KRABD3: variants seen among roughly 807,000 people sequenced by gnomAD.
The protein encoded by KRABD3 is KRAB domain containing 3, also known as KRAB domain-containing protein 3.
the KRABD3 span, chr7:149,719,534 C>T: frequency 6.4e-7 from 1 of 1,560,000 alleles, no homozygotes; most frequent in East Asian, 2.4e-5. This position sits in a 1 kb window ranked among gnomAD's most constrained non-coding sequence, Gnocchi z 5.6. Context: ...CCCCCGGAGA[C>T]TGTGCCTGCA....
the KRABD3 span, chr7:149,723,862 C>G: frequency 6.2e-7 from 1 of 1,613,794 alleles, no homozygotes; most frequent in Non-Finnish European, 8.5e-7. Context: ...ACAGGAGAAT[C>G]CAGGAGCCTG....
the KRABD3 span, chr7:149,719,777 G>A: frequency 6.6e-6 from 9 of 1,371,782 alleles, no homozygotes; most frequent in South Asian, 1.2e-4. This position sits in a 1 kb window ranked among gnomAD's most constrained non-coding sequence, Gnocchi z 5.6. Context: ...CCTGAGAAAT[G>A]AACACGGGGA....
the KRABD3 span, among the ~76,000 whole-genome samples, chr7:149,716,715 A>G: frequency 5.3e-5 from 8 of 152,222 alleles, no homozygotes; most frequent in African/African-American, 1.4e-4. Flanking sequence ...GTCTGGAGCG[A>G]GAGAGACACC....
chr7:149,718,239 T>A, the KRABD3 span, among the ~76,000 whole-genome samples: 1 of 152,150 alleles, frequency 6.6e-6, no homozygotes, highest in African/African-American at 2.4e-5. Flanking sequence ...AGGTCCTGTC[T>A]TTTTTAATTA....
At chr7:149,733,126 G>A in the KRABD3 span, 25 of 1,485,850 alleles carry the variant, frequency 1.7e-5, no homozygotes, top group Non-Finnish European at 2.0e-5. Context: ...AGTACTGAGC[G>A]CCCTTGGTTC....
chr7:149,731,885 C>T, the KRABD3 span: 86 of 710,920 alleles, frequency 1.2e-4, no homozygotes, highest in South Asian at 1.4e-3. Context: ...TAGGAAGTCT[C>T]ACCTGTAATG....
chr7:149,728,271 G>A, the KRABD3 span, among the ~76,000 whole-genome samples: 1 of 152,210 alleles, frequency 6.6e-6, no homozygotes, highest in Non-Finnish European at 1.5e-5. Flanking sequence ...GAGGACTAGA[G>A]CCCACACCTG....
the KRABD3 span, among the ~76,000 whole-genome samples, chr7:149,731,223 G>T: frequency 0.013 from 1,905 of 152,254 alleles, 52 homozygotes; most frequent in African/African-American, 0.041. Context: ...GTCAGGGGAG[G>T]GAGCTCTCCC....
At chr7:149,719,625 T>G in the KRABD3 span, 53 of 1,608,098 alleles carry the variant, frequency 3.3e-5, no homozygotes, top group Non-Finnish European at 4.4e-5. The surrounding 1 kb of genome is among the most constrained non-coding windows in gnomAD (Gnocchi z 5.6). Context: ...CAGAGGGAGT[T>G]CTACCGAGAC....
the KRABD3 span, among the ~76,000 whole-genome samples, chr7:149,728,879 C>T: frequency 5.3e-5 from 8 of 152,348 alleles, no homozygotes; most frequent in South Asian, 2.1e-4. Context: ...CCACTGTCTG[C>T]GGTTCCACCA....
At chr7:149,715,355 T>A in the KRABD3 span, 2 of 1,187,880 alleles carry the variant, frequency 1.7e-6, no homozygotes, top group Non-Finnish European at 2.1e-6. Flanking sequence ...AGGCAGTGAG[T>A]AAATCTCATA....
chr7:149,733,799 C>A, the KRABD3 span: 358 of 1,604,136 alleles, frequency 2.2e-4, no homozygotes, highest in South Asian at 5.1e-4. Context: ...GCCTGCACAC[C>A]CCCTCCTCGC....
At chr7:149,717,418 C>T in the KRABD3 span, among the ~76,000 whole-genome samples, 2 of 152,242 alleles carry the variant, frequency 1.3e-5, no homozygotes, top group Non-Finnish European at 2.9e-5. Context: ...CTGCTCTGCA[C>T]GCTCTTCTGC....
At chr7:149,720,989 G>T in the KRABD3 span, 2 of 1,613,366 alleles carry the variant, frequency 1.2e-6, no homozygotes, top group South Asian at 2.2e-5. Flanking sequence ...CGAGCCCCGA[G>T]GGTAAGTCAG....
At chr7:149,723,932 A>C in the KRABD3 span, 1 of 1,603,712 alleles carries the variant, frequency 6.2e-7, no homozygotes, top group Non-Finnish European at 8.5e-7. Context: ...CAGACATCCT[A>C]CATTACCCTG....
At chr7:149,715,316 T>C in the KRABD3 span, 1 of 1,215,860 alleles carries the variant, frequency 8.2e-7, no homozygotes, top group South Asian at 4.3e-5. Flanking sequence ...TTACAAGTTA[T>C]CCTGGTAGAG....
the KRABD3 span, chr7:149,724,919 A>G: frequency 7.6e-7 from 1 of 1,312,426 alleles, no homozygotes; most frequent in Non-Finnish European, 1.0e-6. Context: ...AGGTTCCACT[A>G]ACCCCAGGGA....
chr7:149,724,600 C>A, the KRABD3 span: 1 of 1,341,174 alleles, frequency 7.5e-7, no homozygotes, highest in Non-Finnish European at 9.9e-7. Context: ...AAGGGATTCT[C>A]AGGGTGAGTC....
the KRABD3 span, chr7:149,730,696 G>A: frequency 2.5e-6 from 3 of 1,199,648 alleles, no homozygotes; most frequent in Admixed American, 7.6e-5. Flanking sequence ...CATTGGCCGT[G>A]CTTTAGTTCC....
Sources: allele counts gnomAD v4.1 joint callset (sites outside exome capture counted in the v4.1 genomes callset), GRCh38; gene constraint gnomAD v4.1.1; non-coding constraint Gnocchi (gnomAD v3.1); transcripts MANE v1.5; gene names NCBI Gene and HGNC (gene_info 2026-07-23, HGNC 2026-07-21).